NRG3: variants seen among roughly 807,000 people sequenced by gnomAD.
NRG3 encodes neuregulin 3.
NRG3 carries 31 observed loss-of-function variants against 66.9 expected under a neutral mutation model. The ratio of observed to expected loss-of-function variants is 0.46; its 90% CI spans 0.35 to 0.63. The LOEUF is 0.63. NRG3 is among the 20% of genes least tolerant of loss of function. The pLI is 0.00. For missense variants in NRG3, 910 were observed against 878.9 expected (o/e 1.04, Z -0.45); for synonymous variants, 393 against 359.4 (o/e 1.09, Z -1.06).
At chr10:82,120,406 A>G (rs891959123) in intron 1 of NRG3, among the ~76,000 whole-genome samples, 1 of 152,190 alleles carries the variant, frequency 6.6e-6, no homozygotes, top group Non-Finnish European at 1.5e-5. Context: ...ATATTTTACA[A>G]AAAAGAAATA....
At chr10:82,710,506 A>G (rs1458772293) in intron 2 of NRG3, among the ~76,000 whole-genome samples, 1 of 148,554 alleles carries the variant, frequency 6.7e-6, no homozygotes, top group Non-Finnish European at 1.5e-5. Context: ...GAATTGCTTG[A>G]ACCTAGGAGG....
chr10:82,905,390 G>T (rs1353615640), intron 4 of NRG3, among the ~76,000 whole-genome samples: 1 of 151,986 alleles, frequency 6.6e-6, no homozygotes, highest in East Asian at 1.9e-4. Flanking sequence ...AGTGATTATT[G>T]AAAGCTTTTT....
At chr10:81,898,545 AT>A (rs1011823362) in intron 1 of NRG3, among the ~76,000 whole-genome samples, 52 of 152,310 alleles carry the variant, frequency 3.4e-4, no homozygotes, top group Admixed American at 1.2e-3. Flanking sequence ...TTTGTCAGTA[AT>A]TTTTAGTATG....
intron 2 of NRG3, among the ~76,000 whole-genome samples, chr10:82,629,655 G>GAAT (rs1303321630): frequency 6.6e-6 from 1 of 152,150 alleles, no homozygotes; most frequent in Non-Finnish European, 1.5e-5. Flanking sequence ...AAAATTCCTT[G>GAAT]AGCAACCCCT....
At chr10:82,821,557 T>C (rs1259058555) in intron 3 of NRG3, among the ~76,000 whole-genome samples, 1 of 151,304 alleles carries the variant, frequency 6.6e-6, no homozygotes, top group African/African-American at 2.4e-5. Flanking sequence ...TGAATCAGAT[T>C]TGAGGAAAAA....
At chr10:82,839,013 C>T (rs973487182) in intron 3 of NRG3, among the ~76,000 whole-genome samples, 1 of 152,062 alleles carries the variant, frequency 6.6e-6, no homozygotes, top group Non-Finnish European at 1.5e-5. Flanking sequence ...TTATTCACTA[C>T]CACGAGAACA....
intron 1 of NRG3, among the ~76,000 whole-genome samples, chr10:82,142,922 G>GTTTTTT (rs11286244): frequency 8.4e-6 from 1 of 118,968 alleles, no homozygotes. Context: ...ACCTGGCTAA[G>GTTTTTT]TTTTTTTTTT....
intron 2 of NRG3, among the ~76,000 whole-genome samples, chr10:82,594,355 T>C (rs553005430): frequency 7.1e-4 from 108 of 152,278 alleles, no homozygotes; most frequent in African/African-American, 2.5e-3. Context: ...ATAAAGAATA[T>C]CATGGTAATA....
At chr10:82,526,082 T>C (rs1175207966) in intron 2 of NRG3, among the ~76,000 whole-genome samples, 1 of 151,912 alleles carries the variant, frequency 6.6e-6, no homozygotes, top group African/African-American at 2.4e-5. Context: ...GTTAGCGAGC[T>C]ATGAAATGGA....
intron 3 of NRG3, among the ~76,000 whole-genome samples, chr10:82,863,832 A>G (rs1018607982): frequency 6.6e-6 from 1 of 152,156 alleles, no homozygotes; most frequent in African/African-American, 2.4e-5. Flanking sequence ...GAATGACCAT[A>G]GCTTTTTCTC....
chr10:82,554,709 T>C (rs2044536377), intron 2 of NRG3, among the ~76,000 whole-genome samples: 1 of 152,132 alleles, frequency 6.6e-6, no homozygotes, highest in Admixed American at 6.6e-5. Flanking sequence ...AATATGAATG[T>C]GCAAGGAAGT....
chr10:81,910,799 A>G (rs1191116953), intron 1 of NRG3, among the ~76,000 whole-genome samples: 1 of 152,082 alleles, frequency 6.6e-6, no homozygotes, highest in Non-Finnish European at 1.5e-5. Context: ...CTACAGATGC[A>G]TGCCACCATG....
At chr10:82,491,316 A>ATATATATATATATATATATACATAT (rs1389375279) in intron 2 of NRG3, among the ~76,000 whole-genome samples, 5 of 136,814 alleles carry the variant, frequency 3.7e-5, no homozygotes, top group Non-Finnish European at 6.4e-5. Context: ...ATATATATAT[A>ATATATATATATATATATATACATAT]AAATAAAGAT....
At chr10:82,617,557 G>A (rs965058388) in intron 2 of NRG3, among the ~76,000 whole-genome samples, 1 of 152,150 alleles carries the variant, frequency 6.6e-6, no homozygotes, top group African/African-American at 2.4e-5. Flanking sequence ...TGTAAAATAG[G>A]CTCCTCTTGA....
chr10:81,876,219 CCTG>C, intron 1 of NRG3, 56 bp downstream of exon 1: 1 of 1,510,306 alleles, frequency 6.6e-7, no homozygotes, highest in Non-Finnish European at 8.9e-7. Flanking sequence ...CTTCTGCCCT[CCTG>C]CTGTCTTTTT....
intron 4 of NRG3, among the ~76,000 whole-genome samples, chr10:82,927,446 C>T (rs1293667982): frequency 6.6e-6 from 1 of 152,048 alleles, no homozygotes; most frequent in African/African-American, 2.4e-5. Context: ...TGGTTTGCTG[C>T]ACCTATCAAC....
intron 1 of NRG3, among the ~76,000 whole-genome samples, chr10:81,949,511 T>G (rs533775046): frequency 6.6e-6 from 1 of 152,130 alleles, no homozygotes; most frequent in South Asian, 2.1e-4. Context: ...GATGGCTGCA[T>G]CAGCCCACTG....
At chr10:81,988,677 G>A (rs12773909) in intron 1 of NRG3, among the ~76,000 whole-genome samples, 13 of 152,152 alleles carry the variant, frequency 8.5e-5, no homozygotes, top group African/African-American at 2.2e-4. Context: ...TATAGTATTC[G>A]TGGTAGAGTC....
intron 1 of NRG3, among the ~76,000 whole-genome samples, chr10:82,083,535 A>T (rs755289335): frequency 6.5e-4 from 99 of 151,776 alleles, no homozygotes; most frequent in Admixed American, 1.2e-3. Flanking sequence ...CTCTTTGAGG[A>T]ATATTATCTT....
Sources: allele counts gnomAD v4.1 joint callset (sites outside exome capture counted in the v4.1 genomes callset), GRCh38; gene constraint gnomAD v4.1.1; transcripts MANE v1.5; gene names NCBI Gene and HGNC (gene_info 2026-07-23, HGNC 2026-07-21).